Variants in SMARCA4 observed in about 807,000 individuals in gnomAD.
SMARCA4 encodes SWI/SNF-related matrix-associated actin-dependent regulator of chromatin subfamily A member 4.
SMARCA4 carries 31 observed loss-of-function variants against 193.9 expected under a neutral mutation model. The observed-to-expected ratio is 0.16, with a 90% CI of 0.12 to 0.22. The LOEUF (loss-of-function observed/expected upper bound fraction) is 0.22, where lower values mean the gene tolerates loss of function less well. Among genes scored for constraint, SMARCA4 ranks in the 10% least tolerant of loss-of-function variants. The probability of loss-of-function intolerance (pLI) is 1.00; values close to 1 mark genes in which losing one functional copy is unlikely to be tolerated. For synonymous variants in SMARCA4, 942 were observed against 933.1 expected, an observed-to-expected ratio of 1.01 and a Z score of -0.17; for missense variants, 1,148 against 2,296.0, an observed-to-expected ratio of 0.50 and a Z score of 10.22.
Position 11,034,230 on chromosome 19 carries a change from C to T in SMARCA4, c.3951+30C>T. On this transcript the variant is annotated intron_variant, in intron 28 of 34. Coordinates refer to ENST00000344626, the MANE Select transcript of SMARCA4 (RefSeq NM_003072.5). This position sits in a 1 kb window ranked among gnomAD's most constrained non-coding sequence, Gnocchi z 7.0. ...GCGCTGCAGGCTGGATGGGGCAGTT[C>T]AGGCATCCCACTCTGCTGCCACCAG... The T allele has an allele frequency of 2.6e-6, 4 of 1,548,922 alleles. No individual in the cohort carries two copies. Among genetic ancestry groups the T allele is most frequent in the African/African-American group, 1.4e-5 (1 of 73,728 alleles).
rs765078241 is a variant in SMARCA4, at chr19:11,039,490, C to T, written c.4171-1817C>T. On this transcript the variant is annotated intron_variant, in intron 29 of 34. Transcript: ENST00000344626. ...CAGGAAAAGATATCCATGACACAGC[C>T]AGCAGTGTGGCACGTGGGCTACAAT... 1.2e-6 allele frequency: 2 copies of T among 1,603,306 alleles called. No homozygotes were observed. Among genetic ancestry groups the T allele is most frequent in the Non-Finnish European group, 1.7e-6 (2 of 1,175,880 alleles).
Position 10,996,323 on chromosome 19 carries a change from G to A in SMARCA4, c.1704G>A (p.Val568=), listed in dbSNP as rs1600082461. ...DEYVANLTEL[V]RQHKAAQVAK... ...ACGTGGCTAACCTCACGGAGCTGGT[G>A]CGGCAGCACAAGGCTGCCCAGGTCG... is the stretch of plus-strand genomic sequence containing the variant. The change falls in exon 10 of 35, where the codon GTG becomes GTA. Residue 568 remains valine (V), a synonymous_variant. Coordinates refer to ENST00000344626, the MANE Select transcript of SMARCA4 (RefSeq NM_003072.5). 1.2e-6 allele frequency: 2 copies of A among 1,614,206 alleles called. No individual in the cohort carries two copies. The highest frequency in any genetic ancestry group is 1.7e-6 in the Non-Finnish European group (2 of 1,180,028).
At chr19:11,036,557 C>T (rs2075282859) in intron 29 of SMARCA4, among the ~76,000 whole-genome samples, 1 of 152,216 alleles carries the variant, frequency 6.6e-6, no homozygotes, top group Admixed American at 6.5e-5. Context: ...CGGTGCCCAG[C>T]TCAGCCCTGC....
intron 8 of SMARCA4, 61 bp downstream of exon 8, chr19:10,991,384 C>T: frequency 2.0e-5 from 31 of 1,549,560 alleles, no homozygotes; most frequent in South Asian, 2.4e-5. Flanking sequence ...GCTTGTCCAG[C>T]GGTTGCCACG....
intron 11 of SMARCA4, among the ~76,000 whole-genome samples, chr19:10,997,947 A>G (rs1218245702): frequency 6.6e-6 from 1 of 152,206 alleles, no homozygotes. Context: ...AGGCCTTCGT[A>G]TGAGGTTTGG....
At chr19:10,995,372 G>T (rs2086934741) in intron 9 of SMARCA4, 2 of 474,004 alleles carry the variant, frequency 4.2e-6, no homozygotes, top group South Asian at 3.1e-5. Flanking sequence ...GCAGATATTG[G>T]CAGCGTGTTC....
intron 34 of SMARCA4, among the ~76,000 whole-genome samples, chr19:11,061,483 C>T (rs1448315238): frequency 2.0e-5 from 3 of 152,144 alleles, no homozygotes; most frequent in African/African-American, 7.2e-5. Flanking sequence ...TCGCGCCATT[C>T]TCCTGCCTCA....
At position 11,041,527 on chromosome 19, in the gene SMARCA4, A is replaced by G. The variant is rs1555788352; in HGVS notation, c.4391A>G (p.Lys1464Arg). 6.2e-7 allele frequency: 1 copy of G among 1,613,736 alleles called. No individual in the cohort carries two copies. The highest frequency in any genetic ancestry group is 8.5e-7 in the Non-Finnish European group (1 of 1,179,972). ...CCCAACCTCACCAAGAAGATGAAGA[A>G]GATTGTGGATGCCGTGATCAAGTAC... The part of the protein sequence containing the change: ...NPPNLTKKMK[K>R]IVDAVIKYKD... Residue 1464 changes from lysine to arginine, a missense_variant, in exon 30 of 35, where the codon AAG (lysine) becomes AGG (arginine). Physicochemically the swap from Lys to Arg is conservative, Grantham distance 26. Coordinates refer to ENST00000344626, the MANE Select transcript of SMARCA4 (RefSeq NM_003072.5). This position sits in a 1 kb window ranked among gnomAD's most constrained non-coding sequence, Gnocchi z 5.6.
chr19:10,985,182 G>C lies in SMARCA4; in HGVS notation c.223-91G>C. ...CGTCATCTTCGGGTGGCTGTTCTCGGTGCCCTCGAGCTTCTCTCGGGCAGC... is the reference window on the plus strand; with the variant it reads ...CGTCATCTTCGGGTGGCTGTTCTCGCTGCCCTCGAGCTTCTCTCGGGCAGC... On this transcript the variant is annotated intron_variant, in intron 2 of 34. Transcript: ENST00000344626. This position sits in a 1 kb window ranked among gnomAD's most constrained non-coding sequence, Gnocchi z 4.5. The C allele has an allele frequency of 7.2e-7, 1 of 1,397,806 alleles. No homozygotes were observed. The highest frequency in any genetic ancestry group is 1.0e-6 in the Non-Finnish European group (1 of 987,800). The allele number at this position is 1,397,806 out of a possible 1,614,324, so 86.6% of individuals were successfully genotyped here. A position where few individuals can be genotyped will look rare whatever the true frequency, so the allele number is the denominator to read the frequency against.
chr19:10,997,042 T>TG (rs1414223838), intron 11 of SMARCA4, among the ~76,000 whole-genome samples: 1 of 151,516 alleles, frequency 6.6e-6, no homozygotes, highest in African/African-American at 2.4e-5. Flanking sequence ...TTTTTTGAGA[T>TG]GGAGTTTTGC....
At chr19:11,045,212 C>T (rs542226620) in intron 30 of SMARCA4, among the ~76,000 whole-genome samples, 12 of 151,916 alleles carry the variant, frequency 7.9e-5, no homozygotes, top group African/African-American at 2.2e-4. Flanking sequence ...CCCAGCTACT[C>T]GGGAGGCTGA....
In SMARCA4 at chr19:10,986,832, G is replaced by A. The variant is rs2086090250; in HGVS notation, c.761-73G>A. ...ATCTGCTGTGTCCCCTGGAGCCAGG[G>A]CTGCCCACGGGGCTGGGCGCAGGCA... is the stretch of plus-strand genomic sequence containing the variant. On this transcript the variant is annotated intron_variant, in intron 4 of 34. Transcript: ENST00000344626. This position sits in a 1 kb window ranked among gnomAD's most constrained non-coding sequence, Gnocchi z 6.7. 3 of 1,362,606 alleles carry A rather than the reference G, an allele frequency of 2.2e-6. No homozygotes were observed. Among genetic ancestry groups the A allele is most frequent in the Non-Finnish European group, 3.1e-6 (3 of 954,580 alleles). The allele number at this position is 1,362,606 out of a possible 1,614,324, so 84.4% of individuals were successfully genotyped here.
chr19:10,976,753 CAAA>C (rs79633492), intron 1 of SMARCA4, among the ~76,000 whole-genome samples: 2 of 125,288 alleles, frequency 1.6e-5, no homozygotes, highest in African/African-American at 3.0e-5. Flanking sequence ...GACCCTGTCT[CAAA>C]AAAAAAAAAA....
intron 15 of SMARCA4, chr19:11,012,652 A>G: frequency 2.3e-6 from 1 of 434,378 alleles, no homozygotes; most frequent in Non-Finnish European, 4.4e-6. Flanking sequence ...TGGGGCATGG[A>G]CAGGCAGACA....
At chr19:10,988,655 C>T (rs1599984139) in intron 6 of SMARCA4, among the ~76,000 whole-genome samples, 1 of 152,294 alleles carries the variant, frequency 6.6e-6, no homozygotes, top group Non-Finnish European at 1.5e-5. Context: ...GGGTTCCCTC[C>T]TCATGGAGGC....
intron 1 of SMARCA4, 126 bp downstream of exon 1, chr19:10,961,300 C>T (rs1469173549): frequency 2.0e-5 from 3 of 149,118 alleles, no homozygotes; most frequent in Non-Finnish European, 4.5e-5. Flanking sequence ...TACGGCGGCG[C>T]CCGAGGGTCA....
intron 1 of SMARCA4, among the ~76,000 whole-genome samples, chr19:10,973,623 G>T (rs1157094973): frequency 7.0e-6 from 1 of 143,314 alleles, no homozygotes; most frequent in Non-Finnish European, 1.5e-5. Flanking sequence ...AGGCTGGAGT[G>T]CAGTGGCATG....
At chr19:11,012,265 TG>T (rs35965228) in intron 15 of SMARCA4, 2 of 154,724 alleles carry the variant, frequency 1.3e-5, no homozygotes, top group Admixed American at 1.2e-4. Context: ...CCCAGCTACT[TG>T]GGAGGCTGAG....
chr19:11,061,597 C>T (rs930034572), intron 34 of SMARCA4, 187 bp from the exon 35 acceptor site: 8 of 657,514 alleles, frequency 1.2e-5, no homozygotes, highest in Non-Finnish European at 1.9e-5. Context: ...AGGATGGTCT[C>T]GATCTCCTGA....
Sources: allele counts gnomAD v4.1 joint callset (sites outside exome capture counted in the v4.1 genomes callset), GRCh38; gene constraint gnomAD v4.1.1; non-coding constraint Gnocchi (gnomAD v3.1); transcripts MANE v1.5; gene names NCBI Gene and HGNC (gene_info 2026-07-23, HGNC 2026-07-21).